PRDM1: variants seen among roughly 807,000 people sequenced by gnomAD.
PRDM1 encodes PR domain zinc finger protein 1.
A neutral mutation model predicts 62.8 loss-of-function variants in PRDM1; 13 were observed. The ratio of observed to expected loss-of-function variants is 0.21; its 90% confidence interval spans 0.13 to 0.33. The LOEUF is 0.33. PRDM1 is among the 10% of genes least tolerant of loss of function. The probability of loss-of-function intolerance (pLI) is 1.00; values close to 1 mark genes in which losing one functional copy is unlikely to be tolerated. For missense variants in PRDM1, 895 were observed against 1,058.8 expected (o/e 0.85, Z 2.15); for synonymous variants, 396 against 417.6 (o/e 0.95, Z 0.63).
At chr6:106,072,396 A>G (rs1191952236) in intron 1 of PRDM1, among the ~76,000 whole-genome samples, 62 of 152,202 alleles carry the variant, frequency 4.1e-4, no homozygotes, top group Non-Finnish European at 2.9e-5. Flanking sequence ...TCCTCTCTCC[A>G]CTGAAGTGCA....
chr6:106,107,568 T>G lies in PRDM1; in HGVS notation c.*82T>G. On this transcript the variant is annotated 3_prime_UTR_variant, in exon 7 of 7. Coordinates refer to ENST00000369096, the MANE Select transcript of PRDM1 (RefSeq NM_001198.4). Reference sequence around the variant, plus strand: ...CCTGTAGGAAGTGGCTTGTACATAATCCCAGCTCTGCAAAGCTCTCTCGAC... The same window carrying G: ...CCTGTAGGAAGTGGCTTGTACATAAGCCCAGCTCTGCAAAGCTCTCTCGAC... The G allele has an allele frequency of 7.9e-7, 1 of 1,265,286 alleles. No homozygotes were observed. The highest frequency in any genetic ancestry group is 1.1e-6 in the Non-Finnish European group (1 of 923,814). The allele number at this position is 1,265,286 out of a possible 1,614,324, so 78.4% of individuals were successfully genotyped here.
At chr6:106,059,743 T>C (rs954363932) in intron 1 of PRDM1, among the ~76,000 whole-genome samples, 2 of 152,186 alleles carry the variant, frequency 1.3e-5, no homozygotes, top group Non-Finnish European at 2.9e-5. Context: ...TTGGCTAAGA[T>C]AGGAGTGGTA....
intron 1 of PRDM1, among the ~76,000 whole-genome samples, chr6:106,031,904 T>C (rs1173517039): frequency 6.6e-6 from 1 of 152,192 alleles, no homozygotes; most frequent in Non-Finnish European, 1.5e-5. Context: ...AGTTTTGTTT[T>C]TTTAACTTTT....
At chr6:106,039,587 T>G (rs1345249891) in intron 1 of PRDM1, among the ~76,000 whole-genome samples, 2 of 152,144 alleles carry the variant, frequency 1.3e-5, no homozygotes, top group African/African-American at 4.8e-5. Flanking sequence ...ACCACAGCTA[T>G]TTTTTTATTG....
chr6:106,105,292 A>T lies in PRDM1; in HGVS notation c.1132A>T (p.Asn378Tyr), dbSNP rs2114653819. 6.2e-7 allele frequency: 1 copy of T among 1,613,734 alleles called. No homozygotes were observed. The highest frequency in any genetic ancestry group is 8.5e-7 in the Non-Finnish European group (1 of 1,179,838). ...GCACCGGGACTCCTACGCTTACTTG[A>T]ACGCGTCCTACGGCACGGAAGGTTT... Reference protein sequence around the residue: ...QEHRDSYAYLNASYGTEGLGS... With the variant: ...QEHRDSYAYLYASYGTEGLGS... Residue 378 changes from asparagine (N) to tyrosine (Y), a missense_variant, in exon 5 of 7, where the codon AAC (asparagine) becomes TAC (tyrosine). By Grantham distance (143) the Asn-to-Tyr change is moderately radical. Coordinates refer to ENST00000369096, the MANE Select transcript of PRDM1 (RefSeq NM_001198.4).
rs904796868 is a variant in PRDM1 at position 106,086,381 on chromosome 6, G to T, written c.-173G>T. 6.9e-6 allele frequency: 4 copies of T among 576,994 alleles called. No individual in the cohort carries two copies. Among genetic ancestry groups the T allele is most frequent in the Non-Finnish European group, 1.2e-5 (4 of 320,774 alleles). The allele number at this position is 576,994 out of a possible 1,614,324, so 35.7% of individuals were successfully genotyped here. ...GTGACACTCGGCCCTCCAGTGTTGC[G>T]GAGAGGCAAGAGCAGCGACCGCGGC... On this transcript the variant is annotated 5_prime_UTR_variant, in exon 1 of 7. Coordinates refer to ENST00000369096, the MANE Select transcript of PRDM1 (RefSeq NM_001198.4).
At chr6:106,083,374 T>C (rs968235225), upstream of PRDM1, among the ~76,000 whole-genome samples, 4 of 152,058 alleles carry the variant, frequency 2.6e-5, no homozygotes, top group Non-Finnish European at 2.9e-5. Context: ...CCCTTTTTTT[T>C]ACCTTAGGAA....
chr6:106,001,320 T>C (rs1005856093), intron 1 of PRDM1, among the ~76,000 whole-genome samples: 2 of 152,206 alleles, frequency 1.3e-5, no homozygotes, highest in Non-Finnish European at 2.9e-5. Context: ...CCTAAATCTT[T>C]GGTTTAGCCT....
At chr6:105,997,568 AC>A (rs1772362949) in intron 1 of PRDM1, among the ~76,000 whole-genome samples, 1 of 152,218 alleles carries the variant, frequency 6.6e-6, no homozygotes, top group Non-Finnish European at 1.5e-5. Flanking sequence ...TGTCTCCTTA[AC>A]GGGTTAGCGG....
At position 106,099,412 on chromosome 6, in the gene PRDM1, C is replaced by T. The variant is rs1020145708; in HGVS notation, c.524C>T (p.Ala175Val). 11 of 1,614,090 alleles carry T rather than the reference C, an allele frequency of 6.8e-6. No individual in the cohort carries two copies. The highest frequency in any genetic ancestry group is 5.5e-5 in the South Asian group (5 of 91,092). ...TCTCCCCGGGAGCAAAACCTGGCTGCGTGTCAGAACGGGATGAACATCTAC... is the reference window on the plus strand; with the variant it reads ...TCTCCCCGGGAGCAAAACCTGGCTGTGTGTCAGAACGGGATGAACATCTAC... ...AHSPREQNLAACQNGMNIYFY... is the reference protein window; with the variant it reads ...AHSPREQNLAVCQNGMNIYFY... Residue 175 changes from alanine to valine, a missense_variant, in exon 4 of 7, where the codon GCG becomes GTG. Around this residue, in one of 4 missense-constraint regions of PRDM1, gnomAD observed 213 missense variants for 283.9 expected, o/e 0.75. Coordinates refer to ENST00000369096, the MANE Select transcript of PRDM1 (RefSeq NM_001198.4).
intron 1 of PRDM1, among the ~76,000 whole-genome samples, chr6:106,034,169 A>G (rs2114569797): frequency 6.6e-6 from 1 of 151,918 alleles, no homozygotes; most frequent in East Asian, 1.9e-4. Context: ...CTAGCTAAAG[A>G]TTTGCCCCTT....
At position 106,062,733 on chromosome 6, in the gene PRDM1, G is replaced by A. The variant is rs1258788294; in HGVS notation, c.-67+14019G>A. ...GGTTTTGACTAAGTTTTGGCTTGCT[G>A]CTGCTCAGCCTGCAACAGTTGGTTA... is the stretch of plus-strand genomic sequence containing the variant. On this transcript the variant is annotated intron_variant, in intron 1 of 6. Transcript: ENST00000651185. Among the ~76,000 whole-genome samples, 4 of 152,276 alleles carry A rather than the reference G, an allele frequency of 2.6e-5. No individual in the cohort carries two copies. In the East Asian group the frequency reaches 7.7e-4, roughly 29 times the overall value.
At chr6:106,067,312 G>A (rs1421392147) in intron 1 of PRDM1, among the ~76,000 whole-genome samples, 1 of 152,126 alleles carries the variant, frequency 6.6e-6, no homozygotes, top group Non-Finnish European at 1.5e-5. Flanking sequence ...ATAAATTCCT[G>A]TAAATGTAAT....
intron 1 of PRDM1, among the ~76,000 whole-genome samples, chr6:106,017,459 G>T (rs1289239678): frequency 1.3e-5 from 2 of 152,200 alleles, no homozygotes; most frequent in African/African-American, 4.8e-5. Flanking sequence ...CTGGGTGTGT[G>T]ACTCCATTGT....
rs546236017 is a variant in PRDM1, at chr6:106,016,133, A to T, written c.-67+22494A>T. ...AGCATAATGTTTTCAAGGAACATGC[A>T]TATTGTAGCATGTATCAGAATTTCA... is the stretch of plus-strand genomic sequence containing the variant. On this transcript the variant is annotated intron_variant, in intron 1 of 6. Transcript: ENST00000652320. Among the ~76,000 whole-genome samples the T allele has an allele frequency of 1.7e-4, 26 of 152,336 alleles. No individual in the cohort carries two copies. The East Asian group carries it at 4.8e-3, about 28-fold the overall frequency.
chr6:106,073,870 G>A (rs947438048), intron 1 of PRDM1, among the ~76,000 whole-genome samples: 2 of 152,198 alleles, frequency 1.3e-5, no homozygotes, highest in African/African-American at 4.8e-5. Context: ...TGATATTGAA[G>A]CATATACCCT....
chr6:106,106,817 C>T lies in PRDM1; in HGVS notation c.1903-94C>T, dbSNP rs1254740503. 1.4e-5 allele frequency: 19 copies of T among 1,363,012 alleles called. No homozygotes were observed. Among genetic ancestry groups the T allele is most frequent in the Admixed American group, 2.0e-5 (1 of 49,136 alleles). 84.4% of individuals were successfully genotyped at this position (1,363,012 alleles called of 1,614,324 possible). A position where few individuals can be genotyped will look rare whatever the true frequency, so the allele number is the denominator to read the frequency against. On this transcript the variant is annotated intron_variant, in intron 6 of 6. Coordinates refer to ENST00000369096, the MANE Select transcript of PRDM1 (RefSeq NM_001198.4). This position sits in a 1 kb window ranked among gnomAD's most constrained non-coding sequence, Gnocchi z 4.4. ...GCTTCTCACCTCCTAGGTTGCTGGGCGTTGGCCGGTAAGCCTGCCCCTCCC... is the reference window on the plus strand; with the variant it reads ...GCTTCTCACCTCCTAGGTTGCTGGGTGTTGGCCGGTAAGCCTGCCCCTCCC...
intron 4 of PRDM1, among the ~76,000 whole-genome samples, chr6:106,104,453 C>T (rs113236425): frequency 0.023 from 3,468 of 152,286 alleles, 98 homozygotes; most frequent in African/African-American, 0.071. Flanking sequence ...TCAGGTGATC[C>T]GCCCACCTCG....
Position 106,098,801 on chromosome 6 carries a change from A to G in PRDM1, c.412-499A>G, listed in dbSNP as rs983007436. ...GGGGTGGAGGATGTTTGCATAGTTG[A>G]AGCCTTGGGCGGGGGTGTAGGAAAC... On this transcript the variant is annotated intron_variant, in intron 3 of 6. Coordinates refer to ENST00000369096, the MANE Select transcript of PRDM1 (RefSeq NM_001198.4). The G allele has an allele frequency of 5.0e-5, 76 of 1,508,628 alleles. 3 individuals are homozygous for G. The South Asian group carries it at 8.9e-4, about 18-fold the overall frequency. 93.5% of individuals were successfully genotyped at this position (1,508,628 alleles called of 1,614,324 possible).
Sources: gnomAD v4.1 joint callset for allele counts (sites outside exome capture counted in the v4.1 genomes callset) on GRCh38, gnomAD v4.1.1 for gene constraint, gnomAD v4.1.1 regional missense constraint, Gnocchi (gnomAD v3.1) non-coding constraint, MANE v1.5 for transcripts, NCBI Gene and HGNC (gene_info 2026-07-23, HGNC 2026-07-21) for gene names.